Variants in ASIC2 observed in about 807,000 individuals in gnomAD.
ASIC2 encodes acid sensing ion channel subunit 2.
In ASIC2, 25 loss-of-function variants were observed where a neutral mutation model predicts 57.3. The observed-to-expected ratio is 0.44, with a 90% CI of 0.32 to 0.61. ASIC2 has a LOEUF of 0.61. Ranked by LOEUF, ASIC2 falls within the 20% of genes least tolerant of loss-of-function variation. The pLI is 0.06. For synonymous variants in ASIC2, 319 were observed against 307.5 expected (o/e 1.04, Z -0.39); for missense variants, 641 against 738.1 (o/e 0.87, Z 1.52).
rs1405020597 is a variant in ASIC2, at chr17:33,908,841, A to T, written c.555+247137T>A. Among the ~76,000 whole-genome samples, 5 of 152,330 alleles carry T rather than the reference A, an allele frequency of 3.3e-5. No homozygotes were observed. In the East Asian group the frequency reaches 9.6e-4, roughly 29 times the overall value. On this transcript the variant is annotated intron_variant, in intron 1 of 9. Coordinates refer to the ASIC2 transcript ENST00000359872. ...TATGCTTAAAACCTAACCCAGAGCT[A>T]AACCTCTAGTAGGTCTTCAATTAAT...
chr17:33,339,470 T>A (rs962933404), intron 1 of ASIC2, among the ~76,000 whole-genome samples: 10 of 152,254 alleles, frequency 6.6e-5, no homozygotes, highest in Non-Finnish European at 1.2e-4. Context: ...ATTTGGCCTG[T>A]GGATCATAGG....
intron 1 of ASIC2, among the ~76,000 whole-genome samples, chr17:33,373,299 C>A (rs1909152978): frequency 6.6e-6 from 1 of 152,234 alleles, no homozygotes; most frequent in Admixed American, 6.5e-5. Context: ...TAAGAGAAAT[C>A]TGACATAGTT....
At position 33,388,169 on chromosome 17, in the gene ASIC2, T is replaced by C. The variant is rs1434306662; in HGVS notation, c.556-276102A>G. Among the ~76,000 whole-genome samples, 10 of 151,992 alleles carry C rather than the reference T, an allele frequency of 6.6e-5. No homozygotes were observed. The South Asian group carries it at 8.3e-4, about 13-fold the overall frequency. ...AAGGCAATGTGATCACTGAGGCAGATTGAAGTGATGTGGCCACTGGCCACA... is the reference window on the plus strand; with the variant it reads ...AAGGCAATGTGATCACTGAGGCAGACTGAAGTGATGTGGCCACTGGCCACA... On this transcript the variant is annotated intron_variant, in intron 1 of 9. Transcript: ENST00000359872.
intron 1 of ASIC2, among the ~76,000 whole-genome samples, chr17:33,439,978 CT>C (rs1217989084): frequency 6.6e-6 from 1 of 152,144 alleles, no homozygotes; most frequent in African/African-American, 2.4e-5. Flanking sequence ...TTCGGGGAGG[CT>C]TTAGGCTTCT....
intron 1 of ASIC2, chr17:34,082,238 T>G (rs1162196611): frequency 7.2e-5 from 11 of 152,252 alleles, no homozygotes; most frequent in Admixed American, 7.2e-4. Context: ...CTCTACCTCC[T>G]GGAGATGAGA....
rs372185097 is a variant in ASIC2 at position 33,318,055 on chromosome 17, TAG to T, written c.556-205990_556-205989del. ...GAAAGAGCTGACGGTCGCATTTGGG[TAG>T]AGTCTGACATTCATTACAGAGATTA... On this transcript the variant is annotated intron_variant, in intron 1 of 9. Transcript: ENST00000359872. Among the ~76,000 whole-genome samples, 32 of 152,170 alleles carry T rather than the reference TAG, an allele frequency of 2.1e-4. No homozygotes were observed. The East Asian group carries it at 6.2e-3, about 29-fold the overall frequency.
At position 33,579,657 on chromosome 17, in the gene ASIC2, G is replaced by A. The variant is rs973123712; in HGVS notation, c.556-467590C>T. ...GTCTGAAGTTTCTTCCTTCTGGTGGGCTCCTGGTCTGGCAGACTTCTAGAG... is the reference window on the plus strand; with the variant it reads ...GTCTGAAGTTTCTTCCTTCTGGTGGACTCCTGGTCTGGCAGACTTCTAGAG... On this transcript the variant is annotated intron_variant, in intron 1 of 9. Transcript: ENST00000359872. 3.9e-5 allele frequency among the ~76,000 whole-genome samples: 6 copies of A among 152,042 alleles called. No homozygotes were observed. The South Asian group carries it at 6.2e-4, about 16-fold the overall frequency.
At chr17:33,194,427 A>G (rs1011275128) in intron 1 of ASIC2, among the ~76,000 whole-genome samples, 1 of 152,202 alleles carries the variant, frequency 6.6e-6, no homozygotes, top group African/African-American at 2.4e-5. Context: ...ATCAAATGAC[A>G]GGATAGATAT....
chr17:33,720,294 G>T (rs1030267648), intron 1 of ASIC2, among the ~76,000 whole-genome samples: 2 of 152,174 alleles, frequency 1.3e-5, no homozygotes, highest in African/African-American at 4.8e-5. Flanking sequence ...GAAGGCAGGA[G>T]GCTTTGAGTT....
chr17:33,191,553 G>A (rs1265215150), intron 1 of ASIC2, among the ~76,000 whole-genome samples: 2 of 151,938 alleles, frequency 1.3e-5, no homozygotes, highest in Non-Finnish European at 2.9e-5. Context: ...AGGAGGAGGA[G>A]GAGGAGAAAG....
At chr17:33,580,704 T>A (rs1276973574) in intron 1 of ASIC2, among the ~76,000 whole-genome samples, 1 of 152,154 alleles carries the variant, frequency 6.6e-6, no homozygotes, top group Non-Finnish European at 1.5e-5. Context: ...CCCCAGGTAC[T>A]TCGTCAGTGG....
chr17:33,641,386 C>T (rs1416538802), intron 1 of ASIC2, among the ~76,000 whole-genome samples: 1 of 152,198 alleles, frequency 6.6e-6, no homozygotes, highest in African/African-American at 2.4e-5. Context: ...TGTTCTCCTT[C>T]TGCAGACATG....
intron 1 of ASIC2, among the ~76,000 whole-genome samples, chr17:33,859,888 T>C (rs1914060448): frequency 6.6e-6 from 1 of 152,208 alleles, no homozygotes; most frequent in African/African-American, 2.4e-5. Context: ...GGCCTCACTG[T>C]TGCCCAGGCT....
rs1912374267 is a variant in ASIC2, at chr17:34,144,833, A to G, written c.555+11145T>C. 2.0e-5 allele frequency among the ~76,000 whole-genome samples: 3 copies of G among 152,130 alleles called. No individual in the cohort carries two copies. The South Asian group carries it at 6.2e-4, about 31-fold the overall frequency. ...CATTTGCCAAGCTCCCCAAGCTCAG[A>G]TATCCCTTTGTTGTCTGTTATCAGT... On this transcript the variant is annotated intron_variant, in intron 1 of 9. Coordinates refer to the ASIC2 transcript ENST00000359872.
At chr17:33,941,804 C>G (rs1194706640) in intron 1 of ASIC2, among the ~76,000 whole-genome samples, 2 of 152,176 alleles carry the variant, frequency 1.3e-5, no homozygotes, top group Non-Finnish European at 2.9e-5. Flanking sequence ...TTGCTCATGG[C>G]TGGAGTCTGA....
intron 1 of ASIC2, among the ~76,000 whole-genome samples, chr17:33,128,426 C>A (rs2092333065): frequency 6.6e-6 from 1 of 152,218 alleles, no homozygotes; most frequent in Admixed American, 6.5e-5. Context: ...TTGCTCACTT[C>A]CTGGGCTCAC....
intron 1 of ASIC2, among the ~76,000 whole-genome samples, chr17:33,734,246 C>G (rs930652101): frequency 2.0e-5 from 3 of 152,006 alleles, no homozygotes; most frequent in South Asian, 2.1e-4. Context: ...CCCTTCCCTC[C>G]TGTGTTCCTG....
At chr17:33,763,621 GA>G (rs957368267) in intron 1 of ASIC2, among the ~76,000 whole-genome samples, 2 of 152,192 alleles carry the variant, frequency 1.3e-5, no homozygotes, top group African/African-American at 2.4e-5. Flanking sequence ...GTGGAGGTGA[GA>G]TGAGTCACTA....
At chr17:33,765,333 C>T (rs1413210680) in intron 1 of ASIC2, among the ~76,000 whole-genome samples, 2 of 152,112 alleles carry the variant, frequency 1.3e-5, no homozygotes, top group Non-Finnish European at 2.9e-5. Flanking sequence ...TGGTCTCGAC[C>T]TCCTGACCTC....
Sources: allele counts gnomAD v4.1 joint callset (sites outside exome capture counted in the v4.1 genomes callset), GRCh38; gene constraint gnomAD v4.1.1; transcripts MANE v1.5; gene names NCBI Gene and HGNC (gene_info 2026-07-23, HGNC 2026-07-21).